The following ITPR1 variants were observed in gnomAD, a reference collection of about 807,000 sequenced individuals.
ITPR1 encodes the protein inositol 1,4,5-trisphosphate receptor type 1, also known as inositol 1,4,5-trisphosphate-gated calcium channel ITPR1.
In ITPR1, 96 loss-of-function variants were observed where a neutral mutation model predicts 318.4. The observed-to-expected ratio is 0.30, with a 90% confidence interval of 0.26 to 0.36. ITPR1 has a LOEUF of 0.36. Ranked by LOEUF, ITPR1 falls within the 10% of genes least tolerant of loss-of-function variation. The pLI, the probability that ITPR1 is intolerant of heterozygous loss-of-function variation, is 1.00. For missense variants in ITPR1, 2,440 were observed against 3,460.2 expected, an observed-to-expected ratio of 0.71 and a Z score of 7.40; for synonymous variants, 1,312 against 1,289.9, an observed-to-expected ratio of 1.02 and a Z score of -0.37.
At chr3:4,840,072 G>T (rs1308748078) in intron 61 of ITPR1, among the ~76,000 whole-genome samples, 1 of 143,112 alleles carries the variant, frequency 7.0e-6, no homozygotes, top group Non-Finnish European at 1.5e-5. Context: ...GGGGCAGGGG[G>T]ATTTGCATCT....
At chr3:4,681,754 T>G (rs922352458) in intron 26 of ITPR1, among the ~76,000 whole-genome samples, 7 of 151,762 alleles carry the variant, frequency 4.6e-5, no homozygotes, top group African/African-American at 1.7e-4. Flanking sequence ...AAAAGAAGAA[T>G]AGAAAGAGAG....
intron 55 of ITPR1, among the ~76,000 whole-genome samples, chr3:4,810,187 T>C (rs1003343948): frequency 5.0e-4 from 76 of 152,308 alleles, no homozygotes; most frequent in African/African-American, 1.8e-3. Context: ...CCCTGTCCCC[T>C]GACTCACTTC....
chr3:4,717,330 A>C (rs778059299), intron 39 of ITPR1, 37 bp from the exon 40 acceptor site: 109 of 1,431,522 alleles, frequency 7.6e-5, no homozygotes, highest in Middle Eastern at 1.7e-4. Flanking sequence ...CTTTCCTAAC[A>C]TTTCCTTCTC....
At chr3:4,681,461 T>C in intron 26 of ITPR1, 43 bp downstream of exon 26, 2 of 1,365,092 alleles carry the variant, frequency 1.5e-6, no homozygotes, top group Non-Finnish European at 2.1e-6. Flanking sequence ...AAGGCTGCTC[T>C]TCCAGAGCTC....
At chr3:4,561,623 C>T (rs1559450532) in intron 4 of ITPR1, among the ~76,000 whole-genome samples, 1 of 152,030 alleles carries the variant, frequency 6.6e-6, no homozygotes, top group African/African-American at 2.4e-5. Context: ...TTAGTTAACT[C>T]AGATTTTTGG....
chr3:4,628,262 G>T (rs2092904591), intron 5 of ITPR1, among the ~76,000 whole-genome samples: 1 of 152,174 alleles, frequency 6.6e-6, no homozygotes, highest in South Asian at 2.1e-4. Flanking sequence ...GGAAATGGCA[G>T]TACCCACCTC....
chr3:4,644,684 A>G (rs2093415553), intron 8 of ITPR1, among the ~76,000 whole-genome samples: 1 of 152,152 alleles, frequency 6.6e-6, no homozygotes. Context: ...TAAATTAGCA[A>G]TTATAGGATG....
At chr3:4,499,311 A>G (rs145042529) in intron 2 of ITPR1, among the ~76,000 whole-genome samples, 97 of 152,318 alleles carry the variant, frequency 6.4e-4, no homozygotes, top group Non-Finnish European at 1.1e-3. Flanking sequence ...TTACGTATAT[A>G]TTTAAATTTC....
intron 4 of ITPR1, among the ~76,000 whole-genome samples, chr3:4,600,586 G>C (rs1297671706): frequency 1.3e-5 from 2 of 151,970 alleles, no homozygotes; most frequent in African/African-American, 2.4e-5. Flanking sequence ...CATTTTCCTG[G>C]CATTTGTCAA....
chr3:4,755,543 A>G (rs965374345), intron 44 of ITPR1, among the ~76,000 whole-genome samples: 7 of 152,056 alleles, frequency 4.6e-5, no homozygotes, highest in African/African-American at 1.7e-4. Context: ...TGGACCCTGA[A>G]AAGTGTTTTT....
At chr3:4,829,954 GTTTTTTTTTTTTTT>G (rs35099159) in intron 60 of ITPR1, among the ~76,000 whole-genome samples, 2 of 27,114 alleles carry the variant, frequency 7.4e-5, no homozygotes, top group East Asian at 1.9e-3. Flanking sequence ...ATGTATAACA[GTTTTTTTTTTTTTT>G]TTTTTTTTTT....
At chr3:4,610,621 A>G (rs2092011059) in intron 4 of ITPR1, among the ~76,000 whole-genome samples, 3 of 152,084 alleles carry the variant, frequency 2.0e-5, no homozygotes, top group Admixed American at 2.0e-4. Context: ...TTTGCCTTTA[A>G]TGAGGTACTG....
Position 4,719,181 on chromosome 3 carries a change from ACTGT to A in ITPR1, c.5136+1787_5136+1790del, listed in dbSNP as rs972112945. 2.0e-5 allele frequency among the ~76,000 whole-genome samples: 3 copies of A among 152,324 alleles called. No individual in the cohort carries two copies. The South Asian group carries it at 6.2e-4, about 32-fold the overall frequency. On this transcript the variant is annotated intron_variant, in intron 40 of 61. Coordinates refer to ENST00000649015, the MANE Select transcript of ITPR1 (RefSeq NM_001378452.1). ...GTAATTATACTCTAGGAAATAGAAT[ACTGT>A]CTGTTTATAAAAGAGGAATGTTCTG...
intron 4 of ITPR1, among the ~76,000 whole-genome samples, chr3:4,626,656 A>G (rs1414062936): frequency 6.6e-6 from 1 of 152,184 alleles, no homozygotes. Flanking sequence ...AAACCGAGGC[A>G]TGCTAAATGG....
At chr3:4,568,675 A>G (rs950165970) in intron 4 of ITPR1, among the ~76,000 whole-genome samples, 1 of 152,166 alleles carries the variant, frequency 6.6e-6, no homozygotes, top group Non-Finnish European at 1.5e-5. Flanking sequence ...ATGGAAGTCC[A>G]TAGTTTGAGT....
rs752673732 is a variant in ITPR1 at position 4,710,461 on chromosome 3, G to C, written c.4979G>C (p.Gly1660Ala). The C allele has an allele frequency of 6.4e-7, 1 of 1,552,876 alleles. No homozygotes were observed. The change falls in exon 38 of 62, where the codon GGT becomes GCT. Residue 1660 changes from glycine (G) to alanine (A), a missense_variant. By Grantham distance (60) the Gly-to-Ala change is moderately conservative (BLOSUM62 0). Transcript: ENST00000649015. This position sits in a 1 kb window ranked among gnomAD's most constrained non-coding sequence, Gnocchi z 4.2. ...TDARRKCESG[G>A]FICKLIKHTK... ...GCCAGAAGGAAATGTGAAAGTGGCGGTTTCATTTGCAAGTAAGCGGCCTCT... is the reference window on the plus strand; with the variant it reads ...GCCAGAAGGAAATGTGAAAGTGGCGCTTTCATTTGCAAGTAAGCGGCCTCT...
intron 40 of ITPR1, among the ~76,000 whole-genome samples, chr3:4,721,118 A>G (rs1347373938): frequency 1.4e-5 from 2 of 146,004 alleles, no homozygotes; most frequent in Non-Finnish European, 3.0e-5. Flanking sequence ...ATATATATAT[A>G]TATATATTTA....
chr3:4,602,427 C>G (rs1252776558), intron 4 of ITPR1, among the ~76,000 whole-genome samples: 1 of 150,512 alleles, frequency 6.6e-6, no homozygotes, highest in Non-Finnish European at 1.5e-5. Context: ...ATTCAGGAGA[C>G]TGAGGTGGGA....
chr3:4,693,822 G>A (rs2094516307), intron 33 of ITPR1, 81 bp downstream of exon 33: 1 of 1,471,344 alleles, frequency 6.8e-7, no homozygotes, highest in Admixed American at 2.0e-5. Context: ...ACATGGTGGT[G>A]GCTGGCCTGG....
Sources: allele counts gnomAD v4.1 joint callset (sites outside exome capture counted in the v4.1 genomes callset), GRCh38; gene constraint gnomAD v4.1.1; non-coding constraint Gnocchi (gnomAD v3.1); transcripts MANE v1.5; gene names NCBI Gene and HGNC (gene_info 2026-07-23, HGNC 2026-07-21).